STK3: variants seen among roughly 807,000 people sequenced by gnomAD.
The protein encoded by STK3 is serine/threonine-protein kinase 3.
In STK3, 41 loss-of-function variants were observed where a neutral mutation model predicts 58.0. The observed-to-expected ratio is 0.71, with a 90% CI of 0.55 to 0.92. STK3 has a LOEUF of 0.92. STK3 is among the 40% of genes least tolerant of loss of function. The pLI is 0.00. For missense variants in STK3, 479 were observed against 602.7 expected (o/e 0.79, Z 2.15); for synonymous variants, 170 against 191.0 (o/e 0.89, Z 0.91).
chr8:98,701,630 AT>A (rs367849712), intron 6 of STK3, among the ~76,000 whole-genome samples: 22,922 of 139,788 alleles, frequency 0.16, 2,785 homozygotes, highest in African/African-American at 0.34. Context: ...TCAAAAAAAA[AT>A]ATATATATAT....
chr8:98,567,976 T>A (rs2131667516), intron 8 of STK3, among the ~76,000 whole-genome samples: 1 of 152,100 alleles, frequency 6.6e-6, no homozygotes, highest in East Asian at 1.9e-4. Context: ...GAAAACTGCT[T>A]GAACCCAGGA....
chr8:98,790,637 C>A (rs1832747908), intron 1 of STK3, among the ~76,000 whole-genome samples: 1 of 152,194 alleles, frequency 6.6e-6, no homozygotes, highest in Non-Finnish European at 1.5e-5. Flanking sequence ...CACCACTCCT[C>A]TTCAACATAG....
chr8:98,701,062 G>A (rs573604785), intron 6 of STK3, among the ~76,000 whole-genome samples: 2 of 152,000 alleles, frequency 1.3e-5, no homozygotes, highest in East Asian at 1.9e-4. Context: ...CCAGGTATTC[G>A]AGAGGCTGAG....
intron 6 of STK3, among the ~76,000 whole-genome samples, chr8:98,600,503 C>T (rs1307727822): frequency 6.6e-6 from 1 of 152,152 alleles, no homozygotes; most frequent in East Asian, 1.9e-4. Flanking sequence ...CTAGCTTATT[C>T]AAGATCACAC....
intron 3 of STK3, among the ~76,000 whole-genome samples, chr8:98,393,428 T>G (rs934603140): frequency 1.3e-5 from 2 of 152,154 alleles, no homozygotes; most frequent in Non-Finnish European, 2.9e-5. Flanking sequence ...GCAATGTGAC[T>G]TTATAGCTCC....
chr8:98,767,667 A>C (rs186978129), intron 2 of STK3, among the ~76,000 whole-genome samples: 2 of 152,362 alleles, frequency 1.3e-5, no homozygotes, highest in Admixed American at 1.3e-4. Flanking sequence ...CATTAAGAAG[A>C]TATAAATGGA....
intron 3 of STK3, among the ~76,000 whole-genome samples, chr8:98,846,919 G>A (rs1309234003): frequency 1.3e-5 from 2 of 151,188 alleles, no homozygotes; most frequent in African/African-American, 4.9e-5. Flanking sequence ...GCCCCCCCAT[G>A]ACAATGCAAA....
At chr8:98,673,658 G>C (rs531295936) in intron 6 of STK3, among the ~76,000 whole-genome samples, 6 of 152,188 alleles carry the variant, frequency 3.9e-5, no homozygotes, top group South Asian at 4.1e-4. Flanking sequence ...CAAGTACCGG[G>C]TTGTATTTTG....
At chr8:98,568,390 ACT>A (rs1362337908) in intron 8 of STK3, among the ~76,000 whole-genome samples, 13 of 152,334 alleles carry the variant, frequency 8.5e-5, no homozygotes, top group African/African-American at 3.1e-4. Context: ...TAAGCAGCTA[ACT>A]CAGCAGACCA....
At chr8:98,788,002 G>A (rs1003957983) in intron 1 of STK3, among the ~76,000 whole-genome samples, 1 of 151,926 alleles carries the variant, frequency 6.6e-6, no homozygotes, top group African/African-American at 2.4e-5. Flanking sequence ...AATCTCACAG[G>A]ACCTACAAAA....
intron 1 of STK3, among the ~76,000 whole-genome samples, chr8:98,790,958 T>G (rs1832766867): frequency 1.4e-5 from 2 of 147,546 alleles, no homozygotes; most frequent in South Asian, 2.1e-4. Context: ...CACTCCAGCC[T>G]GGGGGACAGG....
chr8:98,567,399 T>C (rs1029147036), intron 8 of STK3, among the ~76,000 whole-genome samples: 3 of 152,156 alleles, frequency 2.0e-5, no homozygotes, highest in Admixed American at 6.6e-5. Flanking sequence ...GGTTTTGCCA[T>C]GTTGCTCAGG....
intron 6 of STK3, among the ~76,000 whole-genome samples, chr8:98,649,808 T>A (rs1473952014): frequency 1.3e-5 from 2 of 152,198 alleles, no homozygotes; most frequent in Admixed American, 6.5e-5. Flanking sequence ...TATTATGATA[T>A]AGTTTTTGCA....
intron 1 of STK3, among the ~76,000 whole-genome samples, chr8:98,785,062 G>C (rs1832370730): frequency 6.6e-6 from 1 of 152,250 alleles, no homozygotes; most frequent in Middle Eastern, 3.4e-3. Flanking sequence ...GTGCAGCAAG[G>C]CCCTTCCACT....
chr8:98,739,041 G>A (rs1303625874), intron 4 of STK3, among the ~76,000 whole-genome samples: 1 of 152,238 alleles, frequency 6.6e-6, no homozygotes, highest in Non-Finnish European at 1.5e-5. Context: ...GCTGGGGGAG[G>A]GGCGCCCGCC....
At chr8:98,462,009 A>G (rs995148603) in intron 10 of STK3, among the ~76,000 whole-genome samples, 1 of 151,950 alleles carries the variant, frequency 6.6e-6, no homozygotes, top group Non-Finnish European at 1.5e-5. Flanking sequence ...ATGTTTTGAT[A>G]CTGGCATGCA....
chr8:98,933,549 A>G (rs1336478155), intron 1 of STK3, among the ~76,000 whole-genome samples: 1 of 152,244 alleles, frequency 6.6e-6, no homozygotes, highest in Non-Finnish European at 1.5e-5. Flanking sequence ...CTTTAAGGAA[A>G]TAAATGTGTA....
chr8:98,840,628 T>TATACAC (rs1477381215), intron 3 of STK3, among the ~76,000 whole-genome samples: 6 of 114,470 alleles, frequency 5.2e-5, no homozygotes, highest in Non-Finnish European at 8.9e-5. Context: ...TATATATATA[T>TATACAC]ACACACACAT....
chr8:98,673,980 A>G (rs968069302), intron 6 of STK3, among the ~76,000 whole-genome samples: 6 of 152,196 alleles, frequency 3.9e-5, no homozygotes, highest in Non-Finnish European at 8.8e-5. Flanking sequence ...GTTTTCTTTT[A>G]AGTACTCATT....
Sources: allele counts gnomAD v4.1 joint callset (sites outside exome capture counted in the v4.1 genomes callset), GRCh38; gene constraint gnomAD v4.1.1; transcripts MANE v1.5; gene names NCBI Gene and HGNC (gene_info 2026-07-23, HGNC 2026-07-21).